Variants in ANKS1B observed in about 807,000 individuals in gnomAD.
ANKS1B encodes the protein ankyrin repeat and sterile alpha motif domain-containing protein 1B.
ANKS1B carries 36 observed loss-of-function variants against 148.3 expected under a neutral mutation model. The ratio of observed to expected loss-of-function variants is 0.24; its 90% CI spans 0.19 to 0.32. The LOEUF is 0.32. Among genes scored for constraint, ANKS1B ranks in the 10% least tolerant of loss-of-function variants. ANKS1B has a pLI of 1.00. For synonymous variants in ANKS1B, 542 were observed against 560.8 expected, an observed-to-expected ratio of 0.97 and a Z score of 0.47; for missense variants, 1,157 against 1,542.6, an observed-to-expected ratio of 0.75 and a Z score of 4.19.
chr12:99,263,072 C>A (rs2076088522), intron 12 of ANKS1B, among the ~76,000 whole-genome samples: 2 of 151,966 alleles, frequency 1.3e-5, no homozygotes, highest in African/African-American at 2.4e-5. Context: ...CATAATACCC[C>A]ATAATACTCT....
intron 11 of ANKS1B, among the ~76,000 whole-genome samples, chr12:99,419,790 C>T (rs1327280063): frequency 6.6e-6 from 1 of 152,024 alleles, no homozygotes; most frequent in Non-Finnish European, 1.5e-5. Context: ...CACCTTAGCC[C>T]CCTGAGTAGT....
intron 17 of ANKS1B, among the ~76,000 whole-genome samples, chr12:98,857,946 TA>T: frequency 6.6e-6 from 1 of 152,344 alleles, no homozygotes; most frequent in East Asian, 1.9e-4. Flanking sequence ...CACTATGGTG[TA>T]GTCTTATCTT....
chr12:99,298,343 C>T (rs1175332478), intron 12 of ANKS1B, among the ~76,000 whole-genome samples: 1 of 152,148 alleles, frequency 6.6e-6, no homozygotes, highest in Non-Finnish European at 1.5e-5. Flanking sequence ...ATACTGTTCT[C>T]ATAGTAGTGA....
At position 98,751,400 on chromosome 12, in the gene ANKS1B, G is replaced by A. The variant is rs375968874; in HGVS notation, c.3702C>T (p.Pro1234=). The change falls in exon 26 of 27, where the codon CCC becomes CCT. Residue 1234 remains proline (P), a synonymous_variant. Coordinates refer to ENST00000683438, the MANE Select transcript of ANKS1B (RefSeq NM_001352186.2). This position sits in a 1 kb window ranked among gnomAD's most constrained non-coding sequence, Gnocchi z 4.3. ...STLPESFENK[P]SKPIPKPRVS... ...CGCGGGGCTTGGGGATGGGTTTGGA[G>A]GGTTTGTTTTCAAAGCTTTCTGGAA... 147 of 1,613,838 alleles carry A rather than the reference G, an allele frequency of 9.1e-5. No individual in the cohort carries two copies. Among genetic ancestry groups the A allele is most frequent in the Non-Finnish European group, 8.4e-5 (99 of 1,179,860 alleles).
At chr12:99,897,979 A>G (rs1336854473) in intron 1 of ANKS1B, among the ~76,000 whole-genome samples, 1 of 140,964 alleles carries the variant, frequency 7.1e-6, no homozygotes, top group South Asian at 2.2e-4. Context: ...AATAACAGAA[A>G]TATTTAGATA....
At chr12:99,587,496 T>G (rs561267442) in intron 9 of ANKS1B, among the ~76,000 whole-genome samples, 5 of 152,346 alleles carry the variant, frequency 3.3e-5, no homozygotes, top group Admixed American at 2.6e-4. Context: ...AACCTCTGTA[T>G]AGAATGTTCA....
intron 9 of ANKS1B, among the ~76,000 whole-genome samples, chr12:99,509,327 T>C (rs2096741337): frequency 6.6e-6 from 1 of 151,864 alleles, no homozygotes; most frequent in Non-Finnish European, 1.5e-5. Flanking sequence ...GAAGAAGACA[T>C]GTCAAAAAGC....
intron 1 of ANKS1B, among the ~76,000 whole-genome samples, chr12:99,838,752 G>T (rs567914529): frequency 6.6e-6 from 1 of 151,672 alleles, no homozygotes; most frequent in Admixed American, 6.6e-5. Context: ...TTCTTTTTTT[G>T]ATGAAATTTT....
intron 1 of ANKS1B, among the ~76,000 whole-genome samples, chr12:99,932,753 C>T (rs1235144971): frequency 6.6e-6 from 1 of 152,046 alleles, no homozygotes; most frequent in Non-Finnish European, 1.5e-5. Context: ...CTTTACTGTG[C>T]AGAAGCTTTT....
At chr12:98,968,611 A>T (rs1012327277) in intron 17 of ANKS1B, among the ~76,000 whole-genome samples, 165 of 152,310 alleles carry the variant, frequency 1.1e-3, no homozygotes, top group Non-Finnish European at 6.5e-4. Context: ...GGAGAGGGGA[A>T]GGTATCTAAC....
At chr12:99,919,552 A>G (rs531300812) in intron 1 of ANKS1B, among the ~76,000 whole-genome samples, 1 of 152,320 alleles carries the variant, frequency 6.6e-6, no homozygotes, top group Admixed American at 6.5e-5. Context: ...AGGAAATAAC[A>G]ATAATAGATT....
rs567779524 is a variant in ANKS1B at position 99,022,183 on chromosome 12, G to A, written c.2778+30974C>T. 2.7e-3 allele frequency among the ~76,000 whole-genome samples: 412 copies of A among 152,250 alleles called. 1 individual carries two copies. The highest frequency in any genetic ancestry group is 9.5e-3 in the African/African-American group (394 of 41,544). On this transcript the variant is annotated intron_variant, in intron 17 of 26. Transcript: ENST00000683438. ...TTGCCATGTGACGGACTGAATTCTA[G>A]AAAATGTAATGTGGACAGAAATATT...
chr12:99,857,290 CA>C (rs34926911), intron 1 of ANKS1B, among the ~76,000 whole-genome samples: 1 of 150,254 alleles, frequency 6.7e-6, no homozygotes, highest in African/African-American at 2.5e-5. Context: ...ACAATAGCTG[CA>C]AAAAAAATAA....
intron 10 of ANKS1B, among the ~76,000 whole-genome samples, chr12:99,490,092 C>T (rs1019600392): frequency 1.3e-5 from 2 of 152,190 alleles, no homozygotes; most frequent in African/African-American, 4.8e-5. Context: ...TAAAGCCTCT[C>T]TGTTACCCTA....
chr12:99,749,755 G>A (rs912682351), intron 8 of ANKS1B, among the ~76,000 whole-genome samples: 1 of 151,956 alleles, frequency 6.6e-6, no homozygotes, highest in Non-Finnish European at 1.5e-5. Context: ...ACAAAAGAAG[G>A]TCCAGGGCTA....
intron 9 of ANKS1B, among the ~76,000 whole-genome samples, chr12:99,590,258 CCACACA>C (rs374132496): frequency 2.0e-4 from 27 of 132,806 alleles, no homozygotes; most frequent in African/African-American, 2.9e-4. Context: ...CCACACCCAC[CCACACA>C]CACACACACA....
intron 9 of ANKS1B, among the ~76,000 whole-genome samples, chr12:99,518,696 T>C (rs2096846337): frequency 6.6e-6 from 1 of 152,108 alleles, no homozygotes; most frequent in African/African-American, 2.4e-5. Context: ...TTTACTGATA[T>C]CTTGTATGGA....
At chr12:99,762,830 A>G (rs1174917517) in intron 8 of ANKS1B, among the ~76,000 whole-genome samples, 1 of 152,286 alleles carries the variant, frequency 6.6e-6, no homozygotes, top group African/African-American at 2.4e-5. Context: ...AAACAACCCC[A>G]TTAAAAAATG....
In ANKS1B at chr12:99,611,726, C is replaced by T. The variant is rs148477665; in HGVS notation, c.1272+43341G>A. The stretch of plus-strand genomic sequence containing the variant: ...AGAAATAATAGAGCTTTTATGCAGG[C>T]ATTCGAGGCAGAATCCTTAATGAGG... On this transcript the variant is annotated intron_variant, in intron 9 of 26. Transcript: ENST00000683438. 1.2e-3 allele frequency among the ~76,000 whole-genome samples: 189 copies of T among 152,116 alleles called. 1 individual carries two copies. The highest frequency in any genetic ancestry group is 4.0e-3 in the African/African-American group (164 of 41,516).
Sources: gnomAD v4.1 joint callset for allele counts (sites outside exome capture counted in the v4.1 genomes callset) on GRCh38, gnomAD v4.1.1 for gene constraint, Gnocchi (gnomAD v3.1) non-coding constraint, MANE v1.5 for transcripts, NCBI Gene and HGNC (gene_info 2026-07-23, HGNC 2026-07-21) for gene names.